Variants in SLIT1 observed in about 807,000 individuals in gnomAD.
SLIT1 encodes the protein slit homolog 1 protein.
Under a neutral mutation model 186.1 loss-of-function variants are expected in SLIT1, and 66 were observed. The observed-to-expected ratio is 0.35, with a 90% CI of 0.29 to 0.44. SLIT1 has a LOEUF of 0.44. Ranked by LOEUF, SLIT1 falls within the 20% of genes least tolerant of loss-of-function variation. SLIT1 has a pLI of 1.00. For missense variants in SLIT1, 1,638 were observed against 2,037.4 expected (o/e 0.80, Z 3.77); for synonymous variants, 761 against 833.8 (o/e 0.91, Z 1.50).
At chr10:97,135,277 C>T (rs924100702) in intron 4 of SLIT1, among the ~76,000 whole-genome samples, 7 of 152,068 alleles carry the variant, frequency 4.6e-5, no homozygotes, top group Admixed American at 1.3e-4. Context: ...CATAACAGTT[C>T]GGCCATTTAA....
intron 4 of SLIT1, among the ~76,000 whole-genome samples, chr10:97,087,671 G>A (rs1321680984): frequency 2.6e-5 from 4 of 151,994 alleles, no homozygotes; most frequent in Admixed American, 6.6e-5. Flanking sequence ...TCACACTCTC[G>A]GCTCCTGTCC....
In SLIT1 at chr10:97,060,710, CA is replaced by C; in HGVS notation, c.870del (p.Asn290LysfsTer22). On this transcript the variant is annotated frameshift_variant, in exon 9 of 37. Coordinates refer to ENST00000266058, the MANE Select transcript of SLIT1 (RefSeq NM_003061.3). LOFTEE classifies it high-confidence loss of function. Reference protein sequence around the residue: ...GSCPAMCTCSNGIVDCRGKGL... With the variant: ...GSCPAMCTCSXGIVDCRGKGL... ...CCTTTTCCACGACAGTCCACGATGC[CA>C]TTGCTGCAGGTGCACATGGCCGGGC... 6.2e-7 allele frequency: 1 copy of C among 1,613,890 alleles called. No individual in the cohort carries two copies. Among genetic ancestry groups the C allele is most frequent in the African/African-American group, 1.3e-5 (1 of 75,082 alleles).
At chr10:97,106,386 G>A (rs76404032) in intron 4 of SLIT1, among the ~76,000 whole-genome samples, 1 of 92,170 alleles carries the variant, frequency 1.1e-5, no homozygotes, top group African/African-American at 3.5e-5. Context: ...GAGAGACAGA[G>A]AGAATGAATG....
chr10:97,164,803 A>G lies in SLIT1; in HGVS notation c.269+16T>C. On this transcript the variant is annotated intron_variant, in intron 2 of 36. Coordinates refer to ENST00000266058, the MANE Select transcript of SLIT1 (RefSeq NM_003061.3). ...CATTGCCAGGGGTGGGGTGGGAGGG[A>G]GCACCCCATACTCACAGCACCCGCA... 6.3e-7 allele frequency: 1 copy of G among 1,594,320 alleles called. No homozygotes were observed. Among genetic ancestry groups the G allele is most frequent in the Non-Finnish European group, 8.6e-7 (1 of 1,162,228 alleles).
intron 32 of SLIT1, among the ~76,000 whole-genome samples, chr10:97,005,203 T>C (rs1272681031): frequency 2.6e-5 from 4 of 152,310 alleles, no homozygotes; most frequent in Admixed American, 2.6e-4. Context: ...GGGAGCTAAC[T>C]GCTCAGGGTG....
intron 4 of SLIT1, among the ~76,000 whole-genome samples, chr10:97,110,722 T>C (rs541792997): frequency 9.2e-5 from 14 of 152,298 alleles, no homozygotes; most frequent in Admixed American, 1.3e-4. Flanking sequence ...CCTCTGGAGC[T>C]GAGGCTGGGG....
In SLIT1 at chr10:97,063,450, C is replaced by A; in HGVS notation, c.793+5G>T. Reference sequence around the variant, plus strand: ...GTTGAGAGCCCGGCAGGGGTCTGCACCCACCTGAGCAGCTGAACTCACTCT... The same window carrying A: ...GTTGAGAGCCCGGCAGGGGTCTGCAACCACCTGAGCAGCTGAACTCACTCT... On this transcript the variant is annotated splice_donor_5th_base_variant and intron_variant, in intron 8 of 36. Transcript: ENST00000266058. The A allele has an allele frequency of 6.2e-7, 1 of 1,612,440 alleles. No individual in the cohort carries two copies. The highest frequency in any genetic ancestry group is 8.5e-7 in the Non-Finnish European group (1 of 1,179,910).
intron 4 of SLIT1, among the ~76,000 whole-genome samples, chr10:97,146,954 G>A (rs912186630): frequency 6.6e-6 from 1 of 152,122 alleles, no homozygotes; most frequent in Non-Finnish European, 1.5e-5. Context: ...AAAGAGCTAT[G>A]AGGAGCATTG....
chr10:97,002,764 T>C lies in SLIT1; in HGVS notation c.4094A>G (p.Glu1365Gly), dbSNP rs765490342. 2.5e-6 allele frequency: 4 copies of C among 1,611,906 alleles called. No individual in the cohort carries two copies. Among genetic ancestry groups the C allele is most frequent in the Non-Finnish European group, 3.4e-6 (4 of 1,178,572 alleles). The change falls in exon 35 of 37, where the codon GAG becomes GGG. Residue 1365 changes from glutamate (E) to glycine (G), a missense_variant. By Grantham distance (98) the Glu-to-Gly change is moderately conservative (BLOSUM62 -2). This residue lies in a region of SLIT1 where 173 missense variants were observed against 290.9 expected (regional missense o/e 0.59). Transcript: ENST00000266058. ...NATPGPMCHC[E>G]AGWVGLHCDQ... ...ACAGTGCAGGCCCACCCAGCCAGCC[T>C]CGCAGTGGCACATGGGCCCTGGGGT...
At chr10:97,041,092 G>A (rs1376511736) in intron 20 of SLIT1, among the ~76,000 whole-genome samples, 3 of 152,190 alleles carry the variant, frequency 2.0e-5, no homozygotes, top group African/African-American at 7.2e-5. Context: ...GAACCTGCTC[G>A]ATTGGCCACC....
chr10:97,031,564 T>G (rs1848591008), intron 24 of SLIT1, 42 bp downstream of exon 24: 3 of 1,488,244 alleles, frequency 2.0e-6, no homozygotes, highest in Non-Finnish European at 2.7e-6. Context: ...GGACCCTCAG[T>G]GGGGTGGATT....
At chr10:97,161,083 G>A (rs17502307) in intron 3 of SLIT1, among the ~76,000 whole-genome samples, 13,387 of 152,118 alleles carry the variant, frequency 0.088, 670 homozygotes, top group South Asian at 0.14. Context: ...CAACTGATGC[G>A]CCACTGGTCT....
chr10:97,052,795 ACT>A (rs1226936013), intron 13 of SLIT1, among the ~76,000 whole-genome samples: 2 of 152,202 alleles, frequency 1.3e-5, no homozygotes, highest in Non-Finnish European at 1.5e-5. Flanking sequence ...ATAAAATAAG[ACT>A]CAGTCAAGAA....
Position 97,034,485 on chromosome 10 carries a change from G to T in SLIT1, c.2424C>A (p.Ser808Arg), listed in dbSNP as rs755295537. ...CTGGGACTCACAGAGTGGTCAGCTG[G>T]CTCATGTTGGTGAAGGAGGAATTGC... ...SLSNSSFTNM[S>R]QLTTLILSYN... is the part of the protein sequence containing the mutation. Residue 808 changes from serine to arginine, a missense_variant, in exon 23 of 37, where the codon AGC becomes AGA. Physicochemically the swap from Ser to Arg is moderately radical, Grantham distance 110. Transcript: ENST00000266058. The T allele has an allele frequency of 6.2e-7, 1 of 1,613,310 alleles. No homozygotes were observed. The highest frequency in any genetic ancestry group is 8.5e-7 in the Non-Finnish European group (1 of 1,179,482).
intron 25 of SLIT1, among the ~76,000 whole-genome samples, chr10:97,029,963 T>C (rs1848576821): frequency 6.6e-6 from 1 of 152,238 alleles, no homozygotes; most frequent in African/African-American, 2.4e-5. Context: ...GCATCGGAAC[T>C]TCATCATTTT....
chr10:97,054,281 C>A (rs968835846), intron 13 of SLIT1, among the ~76,000 whole-genome samples: 1 of 151,910 alleles, frequency 6.6e-6, no homozygotes, highest in Non-Finnish European at 1.5e-5. Context: ...CTTGCTCCTC[C>A]TCTTGTCACG....
At chr10:97,017,543 G>C (rs1848464324) in intron 28 of SLIT1, among the ~76,000 whole-genome samples, 1 of 152,254 alleles carries the variant, frequency 6.6e-6, no homozygotes, top group Non-Finnish European at 1.5e-5. Context: ...AAGAGATGGG[G>C]TCATTAGGGC....
intron 4 of SLIT1, among the ~76,000 whole-genome samples, chr10:97,142,917 A>T (rs977179112): frequency 2.0e-5 from 3 of 152,232 alleles, no homozygotes; most frequent in South Asian, 4.1e-4. Context: ...GAGAAATGCA[A>T]ATCAAAACCA....
At chr10:97,109,884 C>T (rs772417894) in intron 4 of SLIT1, among the ~76,000 whole-genome samples, 32 of 152,266 alleles carry the variant, frequency 2.1e-4, no homozygotes, top group Middle Eastern at 3.4e-3. Context: ...TCTTCTCTTG[C>T]AAACCTCCAT....
Sources: allele counts gnomAD v4.1 joint callset (sites outside exome capture counted in the v4.1 genomes callset), GRCh38; gene constraint gnomAD v4.1.1; regional missense constraint gnomAD v4.1.1; transcripts MANE v1.5; gene names NCBI Gene and HGNC (gene_info 2026-07-23, HGNC 2026-07-21).